The following RARS2 variants were observed in gnomAD, a reference collection of about 807,000 sequenced individuals.
The protein encoded by RARS2 is probable arginine--tRNA ligase, mitochondrial.
RARS2 carries 67 observed loss-of-function variants against 88.5 expected under a neutral mutation model. That is an observed-to-expected ratio of 0.76 (90% CI 0.62 to 0.93). RARS2 has a LOEUF of 0.93. Ranked by LOEUF, RARS2 falls within the 40% of genes least tolerant of loss-of-function variation. The pLI, the probability that RARS2 is intolerant of heterozygous loss-of-function variation, is 0.00. For missense variants in RARS2, 664 were observed against 684.2 expected (o/e 0.97, Z 0.33); for synonymous variants, 239 against 230.3 (o/e 1.04, Z -0.34).
Position 87,547,649 on chromosome 6 carries a change from T to G in RARS2, c.451+942A>C, listed in dbSNP as rs188265526. Among the ~76,000 whole-genome samples, 452 of 151,466 alleles carry G rather than the reference T, an allele frequency of 3.0e-3. 2 individuals are homozygous for G. Among genetic ancestry groups the G allele is most frequent in the African/African-American group, 1.0e-2 (414 of 41,438 alleles). ...TTTATTGAAATAGTCTTTTTTCTTT[T>G]CTTTTTTTTTTTGAGACAGAACCTA... On this transcript the variant is annotated intron_variant, in intron 6 of 19. Transcript: ENST00000369536.
intron 4 of RARS2, among the ~76,000 whole-genome samples, chr6:87,562,040 T>G (rs1030848668): frequency 6.6e-6 from 1 of 152,152 alleles, no homozygotes; most frequent in Admixed American, 6.5e-5. Flanking sequence ...TCACAGCTCA[T>G]TGCAACCTCA....
chr6:87,519,208 G>GTGTGTGTGTGTATATATATA (rs1210109506), intron 14 of RARS2: 3,538 of 257,242 alleles, frequency 0.014, 70 homozygotes, highest in Non-Finnish European at 0.019. Flanking sequence ...GTGTGTGTGT[G>GTGTGTGTGTGTATATATATA]TATATATATA....
At chr6:87,588,378 A>ATTTTTATTTTTTTTTTTTTTT (rs1179590852) in intron 1 of RARS2, among the ~76,000 whole-genome samples, 1 of 151,804 alleles carries the variant, frequency 6.6e-6, no homozygotes, top group African/African-American at 2.4e-5. Context: ...TTTTATTTTT[A>ATTTTTATTTTTTTTTTTTTTT]TTTTTTGTTT....
In RARS2 at chr6:87,521,464, C is replaced by T. The variant is rs776918864; in HGVS notation, c.1035G>A (p.Val345=). ...ATAACTTTTTGTTCTGATTACTTAC[C>T]ACATATATCATTGTATCAAAATTAT... ...DKYNFDTMIY[V]TDKGQKKHFQ... is the part of the protein sequence containing the mutation. Residue 345 remains valine, a splice_region_variant and synonymous_variant, in exon 12 of 20, where the codon GTG becomes GTA. Transcript: ENST00000369536. The T allele has an allele frequency of 1.9e-6, 3 of 1,597,224 alleles. No homozygotes were observed. Among genetic ancestry groups the T allele is most frequent in the Non-Finnish European group, 2.6e-6 (3 of 1,165,296 alleles).
At chr6:87,548,987 G>C (rs889547316) in intron 5 of RARS2, among the ~76,000 whole-genome samples, 2 of 152,152 alleles carry the variant, frequency 1.3e-5, no homozygotes, top group African/African-American at 2.4e-5. Flanking sequence ...ACTGAGATGG[G>C]AAGACTGCTT....
chr6:87,518,397 C>G, intron 16 of RARS2, 133 bp from the exon 17 acceptor site: 3 of 1,531,542 alleles, frequency 2.0e-6, no homozygotes, highest in Non-Finnish European at 2.6e-6. Flanking sequence ...GTGGAGGTAA[C>G]AGTATATTTT....
At chr6:87,526,369 T>C (rs1775699063) in intron 10 of RARS2, among the ~76,000 whole-genome samples, 1 of 151,932 alleles carries the variant, frequency 6.6e-6, no homozygotes. Flanking sequence ...ATACAAAAAT[T>C]AGCTGGGTGT....
In RARS2 at chr6:87,519,142, T is replaced by TTA. The variant is rs398066024; in HGVS notation, c.1238-253_1238-252dup. The TTA allele has an allele frequency of 4.9e-4, 194 of 393,506 alleles. 2 individuals are homozygous for TTA. Among genetic ancestry groups the TTA allele is most frequent in the Middle Eastern group, 2.4e-3 (3 of 1,260 alleles). The allele number at this position is 393,506 out of a possible 1,614,324, so 24.4% of individuals were successfully genotyped here. A position where few individuals can be genotyped will look rare whatever the true frequency, so the allele number is the denominator to read the frequency against. Reference sequence around the variant, plus strand: ...GAAAAATAAATTTGGATTTCTGATTTTATATATATATATGTATGTGTGTAT... The same window carrying TTA: ...GAAAAATAAATTTGGATTTCTGATTTTATATATATATATATGTATGTGTGTAT... On this transcript the variant is annotated intron_variant, in intron 14 of 19. Transcript: ENST00000369536.
intron 10 of RARS2, among the ~76,000 whole-genome samples, 190 bp from the exon 11 acceptor site, chr6:87,524,842 G>A (rs1162795122): frequency 6.6e-6 from 1 of 152,198 alleles, no homozygotes; most frequent in Non-Finnish European, 1.5e-5. Flanking sequence ...GAATGGGTAT[G>A]ATGTAATTAA....
chr6:87,535,676 G>GT (rs10710147), intron 8 of RARS2, among the ~76,000 whole-genome samples: 2,201 of 111,368 alleles, frequency 0.02, 58 homozygotes, highest in African/African-American at 0.039. Flanking sequence ...TAACTGTTTT[G>GT]TTTTTTTTTT....
intron 1 of RARS2, among the ~76,000 whole-genome samples, chr6:87,582,815 C>T (rs1774016021): frequency 1.3e-5 from 2 of 152,182 alleles, no homozygotes; most frequent in Admixed American, 1.3e-4. Context: ...ATAATAAACT[C>T]ATCAGCAGAG....
intron 1 of RARS2, among the ~76,000 whole-genome samples, chr6:87,571,761 T>C (rs142119117): frequency 6.6e-6 from 1 of 152,220 alleles, no homozygotes; most frequent in Admixed American, 6.5e-5. Flanking sequence ...AAGTTATTTG[T>C]TGAATTTCAC....
chr6:87,549,048 CAA>C (rs1270265258), intron 5 of RARS2, among the ~76,000 whole-genome samples: 1 of 151,788 alleles, frequency 6.6e-6, no homozygotes, highest in South Asian at 2.1e-4. Flanking sequence ...ACTGTCTCTA[CAA>C]AAAAAATTTT....
intron 1 of RARS2, among the ~76,000 whole-genome samples, chr6:87,572,125 A>T (rs1769947270): frequency 6.6e-6 from 1 of 152,106 alleles, no homozygotes; most frequent in Admixed American, 6.5e-5. Context: ...TCCAAATTCC[A>T]AATTCCAGTT....
chr6:87,577,215 AG>A (rs1271085775), intron 1 of RARS2, among the ~76,000 whole-genome samples: 1 of 152,206 alleles, frequency 6.6e-6, no homozygotes, highest in African/African-American at 2.4e-5. Context: ...TTTCTGAGAC[AG>A]GGTCTCACTT....
At chr6:87,536,117 G>A (rs1779090299) in intron 8 of RARS2, among the ~76,000 whole-genome samples, 1 of 151,826 alleles carries the variant, frequency 6.6e-6, no homozygotes, top group Non-Finnish European at 1.5e-5. Context: ...CATATTAATA[G>A]GCAATATGCA....
At chr6:87,561,052 T>G (rs1787703950) in intron 4 of RARS2, among the ~76,000 whole-genome samples, 1 of 152,258 alleles carries the variant, frequency 6.6e-6, no homozygotes, top group East Asian at 1.9e-4. Flanking sequence ...TTACTTTTAA[T>G]CATTATTTTA....
chr6:87,564,414 C>T, intron 2 of RARS2, 182 bp from the exon 3 acceptor site: 2 of 590,286 alleles, frequency 3.4e-6, no homozygotes, highest in East Asian at 6.0e-5. Context: ...AATCCCAGCA[C>T]TTTGGGAGGC....
chr6:87,530,943 C>G lies in RARS2; in HGVS notation c.613-1G>C. On this transcript the variant is annotated splice_acceptor_variant, in intron 8 of 19. Coordinates refer to ENST00000369536, the MANE Select transcript of RARS2 (RefSeq NM_020320.5). LOFTEE classifies it high-confidence loss of function. The stretch of plus-strand genomic sequence containing the variant: ...CTTCTTTATTAACTTGTACATAAAC[C>G]TAAAAGTACAATAGTACATTAAATG... 1 of 1,613,888 alleles carries G rather than the reference C, an allele frequency of 6.2e-7. No homozygotes were observed. Among genetic ancestry groups the G allele is most frequent in the South Asian group, 1.1e-5 (1 of 91,078 alleles).
Sources: allele counts gnomAD v4.1 joint callset (sites outside exome capture counted in the v4.1 genomes callset), GRCh38; gene constraint gnomAD v4.1.1; transcripts MANE v1.5; gene names NCBI Gene and HGNC (gene_info 2026-07-23, HGNC 2026-07-21).